Variants in NNT observed in about 807,000 individuals in gnomAD.
NNT encodes nicotinamide nucleotide transhydrogenase, also known as NAD(P) transhydrogenase, mitochondrial.
NNT carries 50 observed loss-of-function variants against 104.8 expected under a neutral mutation model. The ratio of observed to expected loss-of-function variants is 0.48; its 90% confidence interval spans 0.38 to 0.60. NNT has a LOEUF of 0.60. Among genes scored for constraint, NNT ranks in the 20% least tolerant of loss-of-function variants. The pLI is 0.00. For synonymous variants in NNT, 461 were observed against 490.4 expected (o/e 0.94, Z 0.79); for missense variants, 1,131 against 1,330.7 (o/e 0.85, Z 2.33).
intron 17 of NNT, among the ~76,000 whole-genome samples, chr5:43,671,643 T>C (rs370639125): frequency 1.1e-4 from 16 of 152,352 alleles, no homozygotes; most frequent in African/African-American, 3.4e-4. Flanking sequence ...GAGTTTCTGC[T>C]GAGAGATCAG....
In NNT at chr5:43,705,407, T is replaced by C. The variant is rs184732363; in HGVS notation, c.*1003T>C. On this transcript the variant is annotated 3_prime_UTR_variant, in exon 22 of 22. Transcript: ENST00000344920. ...GTGTGTGTTTTGAGGTCTTATGTAA[T>C]TGATGACATTTGAGAGAAATGGTGG... The C allele has an allele frequency of 7.9e-5, 12 of 152,224 alleles. No homozygotes were observed. The highest frequency in any genetic ancestry group is 2.2e-4 in the African/African-American group (9 of 41,564). The allele number at this position is 152,224 out of a possible 1,614,324, so 9.4% of individuals were successfully genotyped here. A position where few individuals can be genotyped will look rare whatever the true frequency, so the allele number is the denominator to read the frequency against.
At chr5:43,677,545 A>C (rs181518450) in intron 18 of NNT, among the ~76,000 whole-genome samples, 180 bp from the exon 19 acceptor site, 13 of 152,250 alleles carry the variant, frequency 8.5e-5, no homozygotes, top group Admixed American at 8.5e-4. Flanking sequence ...TTACATTTTC[A>C]ATTTCAAATT....
At chr5:43,625,010 G>C (rs1049928509) in intron 6 of NNT, among the ~76,000 whole-genome samples, 2 of 152,162 alleles carry the variant, frequency 1.3e-5, no homozygotes, top group Non-Finnish European at 1.5e-5. Context: ...GTGATATACT[G>C]ATAAAAAGCT....
intron 17 of NNT, among the ~76,000 whole-genome samples, chr5:43,662,203 T>C (rs1351825594): frequency 6.6e-6 from 1 of 152,194 alleles, no homozygotes; most frequent in East Asian, 1.9e-4. Flanking sequence ...GTCTCTCTTA[T>C]TACTCTCTTT....
chr5:43,642,485 G>A (rs138126498), intron 7 of NNT, among the ~76,000 whole-genome samples: 184 of 152,294 alleles, frequency 1.2e-3, no homozygotes, highest in African/African-American at 4.3e-3. Context: ...TTTGAGAAGT[G>A]GTGAAACTAC....
chr5:43,607,409 A>C (rs1313593627), intron 1 of NNT, among the ~76,000 whole-genome samples: 1 of 152,002 alleles, frequency 6.6e-6, no homozygotes, highest in East Asian at 1.9e-4. Flanking sequence ...TGTGACCCCC[A>C]CCACTGTCTG....
chr5:43,647,441 T>C (rs1294291697), intron 10 of NNT, among the ~76,000 whole-genome samples: 1 of 152,242 alleles, frequency 6.6e-6, no homozygotes, highest in African/African-American at 2.4e-5. Context: ...CTTCTTAATA[T>C]ATATGACAGT....
chr5:43,694,271 T>C (rs927885743), intron 19 of NNT, among the ~76,000 whole-genome samples: 5 of 152,212 alleles, frequency 3.3e-5, no homozygotes, highest in African/African-American at 1.2e-4. Flanking sequence ...TGCTCTTTAT[T>C]TCTTTCTCTT....
In NNT at chr5:43,651,796, C is replaced by T. The variant is rs767176955; in HGVS notation, c.1775C>T (p.Pro592Leu). ...LDMFKRPTDP[P>L]EYNYLYLLPA... is the part of the protein sequence containing the mutation. Reference sequence around the variant, plus strand: ...ATGTTCAAGCGTCCCACTGACCCCCCAGAATACAACTACCTGTACCTGCTC... The same window carrying T: ...ATGTTCAAGCGTCCCACTGACCCCCTAGAATACAACTACCTGTACCTGCTC... The change falls in exon 13 of 22, where the codon CCA becomes CTA. Residue 592 changes from proline to leucine, a missense_variant. Transcript: ENST00000344920. 1.2e-6 allele frequency: 2 copies of T among 1,614,092 alleles called. No individual in the cohort carries two copies. Among genetic ancestry groups the T allele is most frequent in the African/African-American group, 2.7e-5 (2 of 75,022 alleles).
At chr5:43,672,214 T>C (rs1489734357) in intron 17 of NNT, among the ~76,000 whole-genome samples, 4 of 152,212 alleles carry the variant, frequency 2.6e-5, no homozygotes, top group African/African-American at 4.8e-5. Flanking sequence ...TTTTAGCTTT[T>C]TGTGATGGGT....
At chr5:43,621,934 G>A (rs1750118984) in intron 5 of NNT, among the ~76,000 whole-genome samples, 2 of 152,220 alleles carry the variant, frequency 1.3e-5, no homozygotes, top group Non-Finnish European at 1.5e-5. Context: ...ACAAGATGAA[G>A]AGTGATCTGA....
At chr5:43,696,954 G>A (rs763060448) in intron 19 of NNT, among the ~76,000 whole-genome samples, 2 of 152,170 alleles carry the variant, frequency 1.3e-5, no homozygotes, top group African/African-American at 2.4e-5. Flanking sequence ...AGGGCCTGTT[G>A]CAAAGGTCGC....
chr5:43,684,180 TG>T (rs1741863889), intron 19 of NNT, among the ~76,000 whole-genome samples: 1 of 152,068 alleles, frequency 6.6e-6, no homozygotes, highest in African/African-American at 2.4e-5. Context: ...TTAGAAAAAT[TG>T]TTCCCCTGAG....
chr5:43,662,520 G>A (rs980039259), intron 17 of NNT, among the ~76,000 whole-genome samples: 2 of 151,844 alleles, frequency 1.3e-5, no homozygotes, highest in Non-Finnish European at 2.9e-5. Context: ...AAATTATTCC[G>A]ATAGCTGCCT....
intron 7 of NNT, among the ~76,000 whole-genome samples, chr5:43,638,870 A>G (rs551304670): frequency 1.3e-5 from 2 of 151,768 alleles, no homozygotes; most frequent in South Asian, 4.2e-4. Context: ...TAATTAATTA[A>G]TTAATTTTTT....
intron 19 of NNT, among the ~76,000 whole-genome samples, chr5:43,697,084 T>C (rs1051324351): frequency 6.6e-6 from 1 of 152,240 alleles, no homozygotes; most frequent in African/African-American, 2.4e-5. Flanking sequence ...TTTTCTTTTC[T>C]ATCACATTGT....
At chr5:43,666,777 C>G in intron 17 of NNT, 3 of 1,301,146 alleles carry the variant, frequency 2.3e-6, no homozygotes, top group Non-Finnish European at 3.2e-6. Context: ...ACTCTGAAGG[C>G]TTTGTAGGGG....
Position 43,656,163 on chromosome 5 carries a change from C to A in NNT, c.2293+90C>A, listed in dbSNP as rs1011684161. ...AATTTCAGAAAATACATTAACAGGG[C>A]TGGGCGCAATGGCTCATGCCTGCAA... On this transcript the variant is annotated intron_variant, in intron 15 of 21. Transcript: ENST00000344920. 8 of 1,148,330 alleles carry A rather than the reference C, an allele frequency of 7.0e-6. No individual in the cohort carries two copies. In the Admixed American group the frequency reaches 1.2e-4, roughly 17 times the overall value. The allele number at this position is 1,148,330 out of a possible 1,614,324, so 71.1% of individuals were successfully genotyped here. A position where few individuals can be genotyped will look rare whatever the true frequency, so the allele number is the denominator to read the frequency against.
intron 19 of NNT, among the ~76,000 whole-genome samples, chr5:43,685,620 G>T (rs1216440227): frequency 1.3e-5 from 2 of 152,050 alleles, no homozygotes; most frequent in African/African-American, 4.8e-5. Flanking sequence ...TGTTGAATTG[G>T]GATGCTTGAT....
Sources: allele counts gnomAD v4.1 joint callset (sites outside exome capture counted in the v4.1 genomes callset), GRCh38; gene constraint gnomAD v4.1.1; transcripts MANE v1.5; gene names NCBI Gene and HGNC (gene_info 2026-07-23, HGNC 2026-07-21).